RFX3: variants seen among roughly 807,000 people sequenced by gnomAD.
RFX3 encodes transcription factor RFX3.
In RFX3, 14 loss-of-function variants were observed where a neutral mutation model predicts 98.6. The observed-to-expected ratio is 0.14, with a 90% CI of 0.09 to 0.22. The LOEUF is 0.22. Ranked by LOEUF, RFX3 falls within the 10% of genes least tolerant of loss-of-function variation. RFX3 has a pLI of 1.00. For missense variants in RFX3, 639 were observed against 926.9 expected, an observed-to-expected ratio of 0.69 and a Z score of 4.03; for synonymous variants, 383 against 328.4, an observed-to-expected ratio of 1.17 and a Z score of -1.80.
At chr9:3,302,946 A>C (rs1336836709) in intron 4 of RFX3, among the ~76,000 whole-genome samples, 2 of 151,980 alleles carry the variant, frequency 1.3e-5, no homozygotes, top group East Asian at 3.9e-4. Flanking sequence ...CATAATACTG[A>C]AAAGAGTATG....
intron 1 of RFX3, among the ~76,000 whole-genome samples, chr9:3,420,156 A>C (rs1330886208): frequency 1.3e-5 from 2 of 152,128 alleles, no homozygotes; most frequent in Non-Finnish European, 2.9e-5. Context: ...TAAAGCTCTC[A>C]CCATGTGTGC....
intron 15 of RFX3, among the ~76,000 whole-genome samples, chr9:3,234,490 A>T (rs1818872268): frequency 6.6e-6 from 1 of 152,114 alleles, no homozygotes; most frequent in South Asian, 2.1e-4. Context: ...AATACAAAAA[A>T]GTTAGCTGGG....
intron 6 of RFX3, among the ~76,000 whole-genome samples, chr9:3,291,297 G>A (rs1313024407): frequency 3.3e-5 from 5 of 152,088 alleles, no homozygotes; most frequent in Admixed American, 2.0e-4. Context: ...ACTTGAACCC[G>A]GGGGGCAGAG....
At chr9:3,336,395 C>T (rs1587143105) in intron 3 of RFX3, among the ~76,000 whole-genome samples, 1 of 151,022 alleles carries the variant, frequency 6.6e-6, no homozygotes, top group Non-Finnish European at 1.5e-5. Flanking sequence ...TTCCTCATTC[C>T]TATGAAAGCA....
At chr9:3,517,401 T>A (rs1818287759) in intron 1 of RFX3, among the ~76,000 whole-genome samples, 1 of 152,242 alleles carries the variant, frequency 6.6e-6, no homozygotes, top group Admixed American at 6.5e-5. Context: ...CATCTTTCAC[T>A]GTATCTGTCT....
At position 3,257,197 on chromosome 9, in the gene RFX3, C is replaced by T; in HGVS notation, c.1608G>A (p.Glu536=). The change falls in exon 14 of 17, where the codon GAG becomes GAA. Residue 536 remains glutamate, a splice_region_variant and synonymous_variant. Transcript: ENST00000617270. Reference sequence around the variant, plus strand: ...CACACTGGCACACCCAGGAAGCCTGCTCCTGAGACAGTAACACAGAAAGAA... The same window carrying T: ...CACACTGGCACACCCAGGAAGCCTGTTCCTGAGACAGTAACACAGAAAGAA... ...LNRVDFANVQ[E]QASWVCQCDD... 1 of 1,613,652 alleles carries T rather than the reference C, an allele frequency of 6.2e-7. No individual in the cohort carries two copies. The highest frequency in any genetic ancestry group is 1.3e-5 in the African/African-American group (1 of 74,958).
intron 3 of RFX3, among the ~76,000 whole-genome samples, chr9:3,339,125 GT>G (rs1444011229): frequency 6.6e-6 from 1 of 151,350 alleles, no homozygotes; most frequent in African/African-American, 2.4e-5. Flanking sequence ...GCCTACTTGA[GT>G]TTAAAAAAAA....
At chr9:3,457,105 C>CGCTCCAGCCTG (rs1203195918) in intron 1 of RFX3, among the ~76,000 whole-genome samples, 4 of 131,382 alleles carry the variant, frequency 3.0e-5, no homozygotes, top group Non-Finnish European at 6.2e-5. Context: ...CGCACCACTG[C>CGCTCCAGCCTG]GCTCCAGCCT....
At chr9:3,311,940 C>A (rs1360563050) in intron 4 of RFX3, among the ~76,000 whole-genome samples, 1 of 152,122 alleles carries the variant, frequency 6.6e-6, no homozygotes, top group African/African-American at 2.4e-5. Context: ...ACAATGGAGA[C>A]TCTGTCCCCA....
chr9:3,382,068 C>T (rs1402580859), intron 2 of RFX3, among the ~76,000 whole-genome samples: 3 of 152,100 alleles, frequency 2.0e-5, no homozygotes, highest in Admixed American at 6.6e-5. Context: ...CCCCTTAGAT[C>T]TGTCACTCAG....
intron 2 of RFX3, among the ~76,000 whole-genome samples, chr9:3,372,071 A>G (rs1837922544): frequency 6.6e-6 from 1 of 152,190 alleles, no homozygotes; most frequent in Admixed American, 6.5e-5. Context: ...TTACCTCTTC[A>G]GTGTACACCG....
chr9:3,260,245 T>C (rs1822693238), intron 13 of RFX3, among the ~76,000 whole-genome samples: 1 of 151,922 alleles, frequency 6.6e-6, no homozygotes, highest in Non-Finnish European at 1.5e-5. Context: ...TCAGGAGTAA[T>C]GGCTATCATG....
At chr9:3,230,375 G>A (rs146692785) in intron 15 of RFX3, among the ~76,000 whole-genome samples, 19 of 152,104 alleles carry the variant, frequency 1.2e-4, no homozygotes, top group African/African-American at 4.1e-4. Flanking sequence ...GTTATTAAAA[G>A]TAATGGAAAA....
chr9:3,423,710 A>T (rs1361575580), intron 1 of RFX3, among the ~76,000 whole-genome samples: 1 of 149,376 alleles, frequency 6.7e-6, no homozygotes, highest in Non-Finnish European at 1.5e-5. Flanking sequence ...TTACATAGAT[A>T]TAAATTTTAA....
intron 1 of RFX3, among the ~76,000 whole-genome samples, chr9:3,429,229 A>G (rs1247801023): frequency 6.6e-6 from 1 of 150,808 alleles, no homozygotes; most frequent in Non-Finnish European, 1.5e-5. Flanking sequence ...TCACCGTGTT[A>G]GCCAAGATGG....
At chr9:3,331,639 CT>C (rs1189598968) in intron 3 of RFX3, among the ~76,000 whole-genome samples, 1 of 152,036 alleles carries the variant, frequency 6.6e-6, no homozygotes, top group Admixed American at 6.6e-5. Context: ...TCCTTTTCCA[CT>C]TTTTGCTTTT....
At chr9:3,353,310 C>T (rs1835378476) in intron 2 of RFX3, among the ~76,000 whole-genome samples, 1 of 151,856 alleles carries the variant, frequency 6.6e-6, no homozygotes, top group Non-Finnish European at 1.5e-5. Context: ...AACTAACCTG[C>T]ACATTGTGCA....
chr9:3,348,429 G>A (rs1834700082), intron 2 of RFX3, among the ~76,000 whole-genome samples: 1 of 151,606 alleles, frequency 6.6e-6, no homozygotes, highest in Non-Finnish European at 1.5e-5. Flanking sequence ...CGTTTCGCCT[G>A]AGGATATTAG....
At chr9:3,480,602 A>G (rs565728301) in intron 1 of RFX3, among the ~76,000 whole-genome samples, 2 of 152,342 alleles carry the variant, frequency 1.3e-5, no homozygotes, top group African/African-American at 4.8e-5. Context: ...TAAAATGGCT[A>G]AAGCTTGAAG....
Sources: gnomAD v4.1 joint callset for allele counts (sites outside exome capture counted in the v4.1 genomes callset) on GRCh38, gnomAD v4.1.1 for gene constraint, MANE v1.5 for transcripts, NCBI Gene and HGNC (gene_info 2026-07-23, HGNC 2026-07-21) for gene names.